GPHN: variants seen among roughly 807,000 people sequenced by gnomAD.
The protein encoded by GPHN is gephyrin.
A neutral mutation model predicts 95.5 loss-of-function variants in GPHN; 17 were observed. The ratio of observed to expected loss-of-function variants is 0.18; its 90% confidence interval spans 0.12 to 0.27. The LOEUF is 0.27. Among genes scored for constraint, GPHN ranks in the 10% least tolerant of loss-of-function variants. The pLI, the probability that GPHN is intolerant of heterozygous loss-of-function variation, is 1.00. For missense variants in GPHN, 660 were observed against 978.1 expected, an observed-to-expected ratio of 0.67 and a Z score of 4.34; for synonymous variants, 320 against 322.5, an observed-to-expected ratio of 0.99 and a Z score of 0.08.
intron 2 of GPHN, among the ~76,000 whole-genome samples, chr14:66,705,275 A>T (rs753157035): frequency 6.6e-6 from 1 of 152,264 alleles, no homozygotes; most frequent in Admixed American, 6.5e-5. Context: ...AAATTATTCC[A>T]AACAGTTGAA....
the GPHN span, among the ~76,000 whole-genome samples, chr14:67,341,228 G>A: frequency 2.0e-5 from 3 of 152,106 alleles, no homozygotes; most frequent in African/African-American, 7.2e-5. Context: ...TAGGAAGTGA[G>A]GAGCGTCTCT....
chr14:67,626,096 A>C, the GPHN span, among the ~76,000 whole-genome samples: 751 of 152,238 alleles, frequency 4.9e-3, 36 homozygotes, highest in East Asian at 0.083. Flanking sequence ...CTACTAAAAA[A>C]TACAAAAATT....
chr14:66,680,992 GA>G, intron 1 of GPHN, 114 bp from the exon 2 acceptor site: 1 of 644,704 alleles, frequency 1.6e-6, no homozygotes, highest in Non-Finnish European at 2.6e-6. Context: ...AATGTTTGGG[GA>G]AAAATGAAAA....
the GPHN span, among the ~76,000 whole-genome samples, chr14:67,409,367 A>T: frequency 6.6e-6 from 1 of 152,136 alleles, no homozygotes; most frequent in African/African-American, 2.4e-5. Context: ...ACAGAGTGAG[A>T]CCTCATCTCT....
chr14:66,969,994 T>C (rs1288762447), intron 9 of GPHN, among the ~76,000 whole-genome samples: 1 of 151,988 alleles, frequency 6.6e-6, no homozygotes, highest in East Asian at 1.9e-4. Context: ...AAGTTTGATT[T>C]TGAGTAAGTA....
chr14:67,604,338 G>A, the GPHN span, among the ~76,000 whole-genome samples: 1 of 152,178 alleles, frequency 6.6e-6, no homozygotes, highest in Non-Finnish European at 1.5e-5. Flanking sequence ...TTTTCATAAA[G>A]TCCAATTTAT....
the GPHN span, chr14:67,616,335 A>G: frequency 6.6e-6 from 1 of 152,636 alleles, no homozygotes; most frequent in South Asian, 2.0e-4. Context: ...GGGGCTGTAA[A>G]TTGACATGGA....
chr14:66,640,333 C>T (rs1254897239), intron 1 of GPHN, among the ~76,000 whole-genome samples: 1 of 152,070 alleles, frequency 6.6e-6, no homozygotes, highest in Non-Finnish European at 1.5e-5. Context: ...GAGGCAGGAG[C>T]ATCACTTGAA....
At chr14:67,710,608 T>G in the GPHN span, among the ~76,000 whole-genome samples, 1 of 152,168 alleles carries the variant, frequency 6.6e-6, no homozygotes, top group Admixed American at 6.5e-5. Flanking sequence ...AAATCTTTAT[T>G]TTTATAACTT....
In GPHN at chr14:66,739,218, C is replaced by CTT. The variant is rs540067795; in HGVS notation, c.144-37231_144-37230dup. Among the ~76,000 whole-genome samples the CTT allele has an allele frequency of 9.5e-3, 1,279 of 134,602 alleles. 50 individuals carry two copies. The highest frequency in any genetic ancestry group is 0.029 in the African/African-American group (1,051 of 35,664). The allele number at this position is 134,602 out of a possible 152,430, so 88.3% of individuals were successfully genotyped here. A position where few individuals can be genotyped will look rare whatever the true frequency, so the allele number is the denominator to read the frequency against. On this transcript the variant is annotated intron_variant, in intron 2 of 22. Coordinates refer to ENST00000478722, the MANE Select transcript of GPHN (RefSeq NM_020806.5). Reference sequence around the variant, plus strand: ...AAAAAATTTACATTTTTTCTTACAGCTTTTTTTTTTTTTTTTGAGACAGAG... The same window carrying CTT: ...AAAAAATTTACATTTTTTCTTACAGCTTTTTTTTTTTTTTTTTTGAGACAGAG...
chr14:66,578,695 A>C (rs1367026800), intron 1 of GPHN, among the ~76,000 whole-genome samples: 4 of 148,808 alleles, frequency 2.7e-5, no homozygotes, highest in Non-Finnish European at 5.9e-5. Context: ...TTTCTTGCTC[A>C]AAGAAAGAAA....
chr14:67,376,414 G>A, the GPHN span: 14 of 1,564,948 alleles, frequency 8.9e-6, no homozygotes, highest in African/African-American at 2.7e-5. Flanking sequence ...TCTTTGAATT[G>A]TTGAGCTTTT....
chr14:67,518,918 T>C, the GPHN span, among the ~76,000 whole-genome samples: 26 of 152,214 alleles, frequency 1.7e-4, no homozygotes, highest in African/African-American at 5.1e-4. Context: ...GAAGATCACA[T>C]GAAGTCTGTT....
the GPHN span, among the ~76,000 whole-genome samples, chr14:67,700,939 A>T: frequency 7.3e-6 from 1 of 137,006 alleles, no homozygotes. Flanking sequence ...CAGGAGAATC[A>T]CTTGAACCTG....
At chr14:67,615,277 T>C in the GPHN span, 1 of 152,730 alleles carries the variant, frequency 6.5e-6, no homozygotes, top group Admixed American at 6.5e-5. Context: ...TTAAATTAAA[T>C]GCCGGTTCTG....
At chr14:66,879,353 TA>T (rs58893187) in intron 4 of GPHN, among the ~76,000 whole-genome samples, 43,852 of 138,816 alleles carry the variant, frequency 0.32, 10,510 homozygotes, top group African/African-American at 0.66. Context: ...GAAAGTATAT[TA>T]AAAAAAAAAA....
At chr14:66,841,090 A>G (rs2062069357) in intron 4 of GPHN, among the ~76,000 whole-genome samples, 1 of 151,746 alleles carries the variant, frequency 6.6e-6, no homozygotes, top group Non-Finnish European at 1.5e-5. Context: ...AGATAGAGCA[A>G]TGAGTTAAGA....
chr14:67,317,282 TG>T, the GPHN span: 1 of 764,386 alleles, frequency 1.3e-6, no homozygotes, highest in Non-Finnish European at 2.1e-6. Flanking sequence ...GGCCAACATA[TG>T]GAGATCTCGT....
chr14:66,585,937 A>G (rs372992257), intron 1 of GPHN, among the ~76,000 whole-genome samples: 1 of 151,918 alleles, frequency 6.6e-6, no homozygotes, highest in Non-Finnish European at 1.5e-5. Flanking sequence ...CAATTCCTGG[A>G]TATCCTTGTT....
Sources: allele counts gnomAD v4.1 joint callset (sites outside exome capture counted in the v4.1 genomes callset), GRCh38; gene constraint gnomAD v4.1.1; transcripts MANE v1.5; gene names NCBI Gene and HGNC (gene_info 2026-07-23, HGNC 2026-07-21).